CETN2: variants seen among roughly 807,000 people sequenced by gnomAD.
CETN2 encodes the protein centrin 2, also known as centrin-2.
Under a neutral mutation model 12.6 loss-of-function variants are expected in CETN2, and 2 were observed. That is an observed-to-expected ratio of 0.16 (90% CI 0.07 to 0.50). CETN2 has a LOEUF of 0.50. Among genes scored for constraint, CETN2 ranks in the 20% least tolerant of loss-of-function variants. The pLI is 0.96. For synonymous variants in CETN2, 41 were observed against 43.4 expected (o/e 0.94, Z 0.22); for missense variants, 81 against 128.3 (o/e 0.63, Z 1.78).
intron 1 of CETN2, 142 bp downstream of exon 1, chrX:152,830,566 C>G: frequency 1.3e-6 from 1 of 771,562 alleles, no homozygotes; most frequent in Non-Finnish European, 1.8e-6. Context: ...AGCGTCTGTA[C>G]CCTACTCTCC....
rs985928725 is a variant in CETN2, at chrX:152,830,738, A to G, written c.-28T>C. On this transcript the variant is annotated 5_prime_UTR_variant, in exon 1 of 5. Coordinates refer to ENST00000370277, the MANE Select transcript of CETN2 (RefSeq NM_004344.3). ...CCAAAGGAGTCCGCTGCCGGTTGTTAGGCAACCGACGTGTACACTGACTCG... is the reference window on the plus strand; with the variant it reads ...CCAAAGGAGTCCGCTGCCGGTTGTTGGGCAACCGACGTGTACACTGACTCG... 1.7e-6 allele frequency: 2 copies of G among 1,162,848 alleles called. No individual in the cohort carries two copies. Among genetic ancestry groups the G allele is most frequent in the African/African-American group, 1.8e-5 (1 of 55,847 alleles).
At chrX:152,830,556 A>T in intron 1 of CETN2, 152 bp downstream of exon 1, 1 of 666,420 alleles carries the variant, frequency 1.5e-6, no homozygotes, top group Non-Finnish European at 2.1e-6. Flanking sequence ...TAGGTTGGTT[A>T]GCGTCTGTAC....
intron 4 of CETN2, 118 bp from the exon 5 acceptor site, chrX:152,828,048 C>T (rs1932968808): frequency 9.0e-6 from 5 of 553,899 alleles, no homozygotes; most frequent in Non-Finnish European, 1.4e-5. Flanking sequence ...GTCTCAAATT[C>T]CTGGCCACAA....
intron 4 of CETN2, among the ~76,000 whole-genome samples, chrX:152,828,197 C>T (rs1412595680): frequency 1.8e-5 from 2 of 111,699 alleles, no homozygotes; most frequent in Admixed American, 9.5e-5. Context: ...CACCCAATGC[C>T]AGTATGCTAC....
rs1357484393 is a variant in CETN2 at position 152,827,291 on chromosome X, A to C, written c.*550T>G. On this transcript the variant is annotated 3_prime_UTR_variant, in exon 5 of 5. Coordinates refer to ENST00000370277, the MANE Select transcript of CETN2 (RefSeq NM_004344.3). ...CAATAATTGAGAAGAGGAACTCATA[A>C]GCAAAGCTAAAGAACTCATCCTTAG... is the stretch of plus-strand genomic sequence containing the variant. 2 of 113,008 alleles carry C rather than the reference A, an allele frequency of 1.8e-5. No homozygotes were observed. Among genetic ancestry groups the C allele is most frequent in the Non-Finnish European group, 3.7e-5 (2 of 53,475 alleles). The allele number at this position is 113,008 out of a possible 1,213,427, so 9.3% of individuals were successfully genotyped here.
intron 1 of CETN2, among the ~76,000 whole-genome samples, chrX:152,830,061 C>A (rs1228519451): frequency 1.8e-5 from 2 of 112,028 alleles, no homozygotes; most frequent in Non-Finnish European, 3.8e-5. Flanking sequence ...CTGTGAATAA[C>A]TAGAGATAAT....
intron 1 of CETN2, 88 bp from the exon 2 acceptor site, chrX:152,829,848 T>G: frequency 2.7e-6 from 2 of 744,969 alleles, no homozygotes; most frequent in Non-Finnish European, 3.7e-6. Flanking sequence ...ATATGTATTT[T>G]TAAAGTCATT....
chrX:152,829,575 A>G, intron 2 of CETN2, 27 bp downstream of exon 2: 2 of 1,168,321 alleles, frequency 1.7e-6, no homozygotes, highest in Non-Finnish European at 2.3e-6. Context: ...AAGGAAGGGC[A>G]GTACGGCAGG....
At chrX:152,829,394 C>T in intron 2 of CETN2, 117 bp from the exon 3 acceptor site, 1 of 914,672 alleles carries the variant, frequency 1.1e-6, no homozygotes, top group Non-Finnish European at 1.5e-6. Context: ...GATTGGGGAA[C>T]ACTATGACAT....
In CETN2 at chrX:152,829,132, T is replaced by C. The variant is rs1932977544; in HGVS notation, c.291+17A>G. The C allele has an allele frequency of 8.3e-7, 1 of 1,208,262 alleles. No homozygotes were observed. The highest frequency in any genetic ancestry group is 1.1e-6 in the Non-Finnish European group (1 of 893,887). On this transcript the variant is annotated intron_variant, in intron 3 of 4. Transcript: ENST00000370277. Reference sequence around the variant, plus strand: ...TGACTGGGGCTCCATACCATGATAATTGTCTTAGCTACTTACCATTTTCTG... The same window carrying C: ...TGACTGGGGCTCCATACCATGATAACTGTCTTAGCTACTTACCATTTTCTG...
At chrX:152,828,936 T>C (rs1177343793) in intron 3 of CETN2, 2 of 451,699 alleles carry the variant, frequency 4.4e-6, no homozygotes, top group South Asian at 3.8e-5. Flanking sequence ...TGATTTGGAA[T>C]TCTGTGGGAA....
At chrX:152,830,641 G>A in intron 1 of CETN2, 67 bp downstream of exon 1, 1 of 1,138,504 alleles carries the variant, frequency 8.8e-7, no homozygotes, top group South Asian at 2.0e-5. Context: ...GAGGCGGCGT[G>A]GCCGAGCTGG....
intron 3 of CETN2, 89 bp downstream of exon 3, chrX:152,829,060 T>C: frequency 9.3e-7 from 1 of 1,078,386 alleles, no homozygotes; most frequent in Non-Finnish European, 1.3e-6. Context: ...GACTGCTCTG[T>C]GGTCACATGA....
intron 2 of CETN2, 132 bp from the exon 3 acceptor site, chrX:152,829,409 C>A: frequency 2.2e-6 from 2 of 903,072 alleles, no homozygotes; most frequent in Non-Finnish European, 3.1e-6. Flanking sequence ...TGACATTGAT[C>A]TAATTGATAT....
At chrX:152,829,515 G>A in intron 2 of CETN2, 87 bp downstream of exon 2, 1 of 1,049,291 alleles carries the variant, frequency 9.5e-7, no homozygotes, top group Non-Finnish European at 1.3e-6. Flanking sequence ...GGAGAAGAGG[G>A]CAAAAGGGGT....
Position 152,830,731 on chromosome X carries a change from G to T in CETN2, c.-21C>A. On this transcript the variant is annotated 5_prime_UTR_variant, in exon 1 of 5. Transcript: ENST00000370277. ...ACCATAGCCAAAGGAGTCCGCTGCC[G>T]GTTGTTAGGCAACCGACGTGTACAC... 1 of 1,168,105 alleles carries T rather than the reference G, an allele frequency of 8.6e-7. No homozygotes were observed. The highest frequency in any genetic ancestry group is 1.1e-6 in the Non-Finnish European group (1 of 873,580).
chrX:152,829,592 C>T lies in CETN2; in HGVS notation c.162+10G>A. 1.7e-6 allele frequency: 2 copies of T among 1,180,082 alleles called. No individual in the cohort carries two copies. The highest frequency in any genetic ancestry group is 2.3e-6 in the Non-Finnish European group (2 of 876,341). The stretch of plus-strand genomic sequence containing the variant: ...GGAAGGGCAGTACGGCAGGAATGCA[C>T]AGAGCTTGCCTTCAGTTCTTTAACA... On this transcript the variant is annotated intron_variant, in intron 2 of 4. Transcript: ENST00000370277.
intron 1 of CETN2, 32 bp downstream of exon 1, chrX:152,830,676 G>A (rs781852970): frequency 8.5e-7 from 1 of 1,176,001 alleles, no homozygotes; most frequent in Admixed American, 2.4e-5. Flanking sequence ...TCAGCCGCTG[G>A]GCGTGGGGCG....
chrX:152,828,499 G>A, intron 4 of CETN2, 38 bp downstream of exon 4: 1 of 1,186,163 alleles, frequency 8.4e-7, no homozygotes, highest in Non-Finnish European at 1.1e-6. Flanking sequence ...AGGGCTCAAA[G>A]GTGGGAATTT....
Sources: gnomAD v4.1 joint callset for allele counts (sites outside exome capture counted in the v4.1 genomes callset) on GRCh38, gnomAD v4.1.1 for gene constraint, MANE v1.5 for transcripts, NCBI Gene and HGNC (gene_info 2026-07-23, HGNC 2026-07-21) for gene names.